The following ASTN2 variants were observed in gnomAD, a reference collection of about 807,000 sequenced individuals.
ASTN2 encodes the protein astrotactin 2.
In ASTN2, 54 loss-of-function variants were observed where a neutral mutation model predicts 139.8. The observed-to-expected ratio is 0.39, with a 90% CI of 0.31 to 0.48. The LOEUF is 0.48. Ranked by LOEUF, ASTN2 falls within the 20% of genes least tolerant of loss-of-function variation. ASTN2 has a pLI of 0.95. For synonymous variants in ASTN2, 756 were observed against 719.5 expected, an observed-to-expected ratio of 1.05 and a Z score of -0.81; for missense variants, 1,565 against 1,725.1, an observed-to-expected ratio of 0.91 and a Z score of 1.64.
At chr9:117,142,049 G>A (rs1259361986) in intron 3 of ASTN2, among the ~76,000 whole-genome samples, 3 of 152,198 alleles carry the variant, frequency 2.0e-5, no homozygotes. Context: ...CATGTGTGAT[G>A]ATCTGAAACG....
In ASTN2 at chr9:116,976,737, T is replaced by G. The variant is rs909310627; in HGVS notation, c.1640A>C (p.His547Pro). The change falls in exon 8 of 23, where the codon CAC becomes CCC. Residue 547 changes from histidine to proline, a missense_variant. His to Pro is a moderately conservative substitution (Grantham distance 77). Transcript: ENST00000313400. Reference sequence around the variant, plus strand: ...TCCCCAGTCACTGCGCACACACAGGTGTCTGTGAACAGGGTCAGGGGCATA... The same window carrying G: ...TCCCCAGTCACTGCGCACACACAGGGGTCTGTGAACAGGGTCAGGGGCATA... ...EGYAPDPVHR[H>P]LCVRSDWGQS... 6.2e-7 allele frequency: 1 copy of G among 1,614,078 alleles called. No individual in the cohort carries two copies. Among genetic ancestry groups the G allele is most frequent in the Non-Finnish European group, 8.5e-7 (1 of 1,179,976 alleles).
chr9:116,455,000 C>T (rs1465191140), intron 20 of ASTN2, among the ~76,000 whole-genome samples: 3 of 151,496 alleles, frequency 2.0e-5, no homozygotes, highest in Non-Finnish European at 1.5e-5. Flanking sequence ...AACAAACCTG[C>T]ACATTGTGCA....
intron 17 of ASTN2, among the ~76,000 whole-genome samples, chr9:116,631,578 A>C (rs1440977273): frequency 1.3e-5 from 2 of 152,100 alleles, no homozygotes; most frequent in Non-Finnish European, 2.9e-5. Flanking sequence ...TAAGAGAGAG[A>C]GAGGGGGATG....
rs553650392 is a variant in ASTN2, at chr9:116,985,496, T to A, written c.1592-8711A>T. ...GCCAGCCAGGCCCCATCAGGGCCCC[T>A]GCTCCAGGTTCTCAGCCAGGGTAAC... On this transcript the variant is annotated intron_variant, in intron 7 of 22. Coordinates refer to ENST00000313400, the MANE Select transcript of ASTN2 (RefSeq NM_001365068.1). Among the ~76,000 whole-genome samples the A allele has an allele frequency of 3.2e-4, 49 of 152,334 alleles. 2 individuals are homozygous for A. The South Asian group carries it at 9.7e-3, about 30-fold the overall frequency.
chr9:117,026,944 A>G (rs1475234754), intron 6 of ASTN2, among the ~76,000 whole-genome samples: 1 of 152,186 alleles, frequency 6.6e-6, no homozygotes, highest in East Asian at 1.9e-4. Context: ...TTAAGGCTAC[A>G]TAGCTACAAA....
At chr9:117,385,681 T>C (rs1259737741) in intron 1 of ASTN2, among the ~76,000 whole-genome samples, 1 of 151,900 alleles carries the variant, frequency 6.6e-6, no homozygotes, top group Non-Finnish European at 1.5e-5. Flanking sequence ...TCTCTAGGCT[T>C]CTGTGTGCCC....
At position 116,538,441 on chromosome 9, in the gene ASTN2, T is replaced by C. The variant is rs60520059; in HGVS notation, c.3356-50941A>G. On this transcript the variant is annotated intron_variant, in intron 19 of 22. Transcript: ENST00000313400. ...TAAATCTTCAGGGATGTGTGGCCCA[T>C]GACTTTGTATTTTAAAAACTTTCTT... 9.0e-3 allele frequency among the ~76,000 whole-genome samples: 1,374 copies of C among 152,238 alleles called. 18 individuals carry two copies. The highest frequency in any genetic ancestry group is 0.031 in the African/African-American group (1,285 of 41,526).
chr9:116,782,749 T>C lies in ASTN2; in HGVS notation c.2396+22883A>G, dbSNP rs558357525. ...GCAATGTGCTCTCTGTACCAGCTTT[T>C]ATAAGCTAACTGCAGTCTGATTCCC... On this transcript the variant is annotated intron_variant, in intron 13 of 22. Transcript: ENST00000313400. Among the ~76,000 whole-genome samples the C allele has an allele frequency of 3.3e-5, 5 of 152,324 alleles. No individual in the cohort carries two copies. The East Asian group carries it at 9.7e-4, about 29-fold the overall frequency.
chr9:117,012,562 A>C (rs1837566369), intron 6 of ASTN2, among the ~76,000 whole-genome samples: 1 of 152,208 alleles, frequency 6.6e-6, no homozygotes, highest in Non-Finnish European at 1.5e-5. Context: ...GATATCTTTA[A>C]TACAACCTAC....
At chr9:116,702,915 G>C (rs1208237008) in intron 16 of ASTN2, among the ~76,000 whole-genome samples, 2 of 152,196 alleles carry the variant, frequency 1.3e-5, no homozygotes, top group African/African-American at 4.8e-5. Flanking sequence ...CGTGGCGTGA[G>C]CTTTACAGTG....
intron 4 of ASTN2, among the ~76,000 whole-genome samples, chr9:117,135,042 A>G (rs1168460551): frequency 6.6e-6 from 1 of 152,198 alleles, no homozygotes; most frequent in African/African-American, 2.4e-5. Context: ...TAGCTCCTGA[A>G]CACCCTCACA....
At chr9:117,116,834 C>CAGAAAA (rs1829406273) in intron 4 of ASTN2, among the ~76,000 whole-genome samples, 1 of 45,180 alleles carries the variant, frequency 2.2e-5, no homozygotes, top group African/African-American at 1.0e-4. Flanking sequence ...TGGCATGAGC[C>CAGAAAA]AAAAAAAAAA....
rs1052612493 is a variant in ASTN2, at chr9:116,698,044, GGTC to G, written c.2806+27724_2806+27726del. ...GAGGCTGTGGGGCTGCTCATGTGTC[GGTC>G]CTGTGGGCGGCGTCTGCCCCGGCAA... On this transcript the variant is annotated intron_variant, in intron 16 of 22. Transcript: ENST00000313400. This position sits in a 1 kb window ranked among gnomAD's most constrained non-coding sequence, Gnocchi z 4.4. The G allele has an allele frequency of 6.2e-7, 1 of 1,613,858 alleles. No homozygotes were observed. The highest frequency in any genetic ancestry group is 8.5e-7 in the Non-Finnish European group (1 of 1,180,046).
chr9:116,737,390 G>A (rs1200551785), intron 13 of ASTN2, among the ~76,000 whole-genome samples: 5 of 152,170 alleles, frequency 3.3e-5, no homozygotes, highest in Non-Finnish European at 7.4e-5. Context: ...GGCGACCAGG[G>A]AGCTGGCAGG....
At chr9:117,384,384 A>T (rs1341951328) in intron 1 of ASTN2, among the ~76,000 whole-genome samples, 1 of 152,198 alleles carries the variant, frequency 6.6e-6, no homozygotes, top group Non-Finnish European at 1.5e-5. Context: ...CTTTTACAGT[A>T]TAACACATCT....
chr9:117,414,597 G>A lies in ASTN2; in HGVS notation c.342C>T (p.Ala114=), dbSNP rs147908988. The A allele has an allele frequency of 6.4e-7, 1 of 1,574,004 alleles. No individual in the cohort carries two copies. Among genetic ancestry groups the A allele is most frequent in the Admixed American group, 1.8e-5 (1 of 56,898 alleles). ...SPGSPGSAGT[A]AESRLLLFVR... is the part of the protein sequence containing the mutation. ...CAAAGAGCAGGAGGCGCGACTCGGC[G>A]GCGGTGCCGGCAGAGCCAGGAGAGC... Residue 114 remains alanine (A), a synonymous_variant, in exon 1 of 23, where the codon GCC becomes GCT. Transcript: ENST00000313400. This position sits in a 1 kb window ranked among gnomAD's most constrained non-coding sequence, Gnocchi z 4.2.
chr9:116,786,980 C>G (rs1439831273), intron 13 of ASTN2, among the ~76,000 whole-genome samples: 1 of 152,208 alleles, frequency 6.6e-6, no homozygotes, highest in African/African-American at 2.4e-5. Flanking sequence ...CACTCATTCT[C>G]TTTCCTGCTG....
At chr9:117,319,077 G>A (rs764549983) in intron 1 of ASTN2, among the ~76,000 whole-genome samples, 20 of 152,186 alleles carry the variant, frequency 1.3e-4, no homozygotes, top group Non-Finnish European at 2.8e-4. Context: ...TTCTCCAAAA[G>A]AACCATTTAT....
At chr9:116,973,792 G>A (rs1836273931) in intron 10 of ASTN2, among the ~76,000 whole-genome samples, 1 of 152,110 alleles carries the variant, frequency 6.6e-6, no homozygotes, top group Non-Finnish European at 1.5e-5. Flanking sequence ...AGCTATTTTA[G>A]TTCCTAGTAA....
Sources: gnomAD v4.1 joint callset for allele counts (sites outside exome capture counted in the v4.1 genomes callset) on GRCh38, gnomAD v4.1.1 for gene constraint, Gnocchi (gnomAD v3.1) non-coding constraint, MANE v1.5 for transcripts, NCBI Gene and HGNC (gene_info 2026-07-23, HGNC 2026-07-21) for gene names.